SLC9A9: variants seen among roughly 807,000 people sequenced by gnomAD.
SLC9A9 encodes solute carrier family 9 member A9.
Under a neutral mutation model 77.8 loss-of-function variants are expected in SLC9A9, and 62 were observed. That is an observed-to-expected ratio of 0.80 (90% CI 0.65 to 0.98). The LOEUF is 0.98. Among genes scored for constraint, SLC9A9 ranks in the 50% least tolerant of loss-of-function variants. The probability of loss-of-function intolerance (pLI) is 0.00; values close to 1 mark genes in which losing one functional copy is unlikely to be tolerated. For synonymous variants in SLC9A9, 320 were observed against 283.5 expected, an observed-to-expected ratio of 1.13 and a Z score of -1.29; for missense variants, 775 against 774.9, an observed-to-expected ratio of 1.00 and a Z score of 0.00.
intron 12 of SLC9A9, among the ~76,000 whole-genome samples, chr3:143,409,333 C>A (rs1438685009): frequency 4.6e-5 from 7 of 152,206 alleles, no homozygotes; most frequent in Non-Finnish European, 1.0e-4. Flanking sequence ...CAGACATTTT[C>A]AGGCACAGGT....
chr3:143,668,181 G>A (rs1005094892), intron 5 of SLC9A9, among the ~76,000 whole-genome samples: 42 of 151,998 alleles, frequency 2.8e-4, no homozygotes, highest in African/African-American at 9.9e-4. Context: ...GTCCTTTGTA[G>A]GGACATGGAT....
chr3:143,341,516 C>CT (rs2032098119), intron 14 of SLC9A9, among the ~76,000 whole-genome samples: 1 of 152,140 alleles, frequency 6.6e-6, no homozygotes, highest in African/African-American at 2.4e-5. Flanking sequence ...ATTTAACACA[C>CT]TTTTCAGAAT....
rs967546578 is a variant in SLC9A9, at chr3:143,612,131, C to T, written c.756-33408G>A. ...GCCAAGATAGCCTCTTAGCTTGCCC[C>T]TATAGAGGGTGGGTCTCTACAGAGA... On this transcript the variant is annotated intron_variant, in intron 6 of 15. Coordinates refer to ENST00000316549, the MANE Select transcript of SLC9A9 (RefSeq NM_173653.4). Among the ~76,000 whole-genome samples, 24 of 152,280 alleles carry T rather than the reference C, an allele frequency of 1.6e-4. 1 individual carries two copies. The South Asian group carries it at 5.0e-3, about 32-fold the overall frequency.
At chr3:143,598,437 T>C (rs1009311388) in intron 6 of SLC9A9, among the ~76,000 whole-genome samples, 2 of 152,228 alleles carry the variant, frequency 1.3e-5, no homozygotes, top group African/African-American at 2.4e-5. Context: ...CTGCTTTCAC[T>C]TGAAGCTCAG....
intron 6 of SLC9A9, among the ~76,000 whole-genome samples, chr3:143,596,777 C>T (rs530752145): frequency 6.6e-6 from 1 of 152,230 alleles, no homozygotes; most frequent in East Asian, 1.9e-4. Context: ...ATCCTCCTGC[C>T]TCATCCTCCC....
intron 12 of SLC9A9, among the ~76,000 whole-genome samples, chr3:143,431,437 A>G (rs953903495): frequency 4.0e-5 from 6 of 151,114 alleles, no homozygotes; most frequent in African/African-American, 1.5e-4. Flanking sequence ...TCAAATTGCC[A>G]GTTAGATCAC....
At chr3:143,822,023 G>T (rs995484976) in intron 2 of SLC9A9, among the ~76,000 whole-genome samples, 3 of 152,206 alleles carry the variant, frequency 2.0e-5, no homozygotes, top group African/African-American at 7.2e-5. Flanking sequence ...CTGCAGAGAA[G>T]CACCTCACCC....
At chr3:143,540,974 C>T (rs1202568993) in intron 9 of SLC9A9, among the ~76,000 whole-genome samples, 1 of 152,130 alleles carries the variant, frequency 6.6e-6, no homozygotes, top group Non-Finnish European at 1.5e-5. Context: ...AATATTCAAC[C>T]ATATACGAAA....
intron 9 of SLC9A9, among the ~76,000 whole-genome samples, chr3:143,500,580 T>A (rs2035908163): frequency 6.6e-6 from 1 of 152,190 alleles, no homozygotes; most frequent in Non-Finnish European, 1.5e-5. Context: ...TTTCTGTGTA[T>A]GACACAGCTT....
At chr3:143,343,774 C>T (rs1339672178) in intron 14 of SLC9A9, among the ~76,000 whole-genome samples, 1 of 152,176 alleles carries the variant, frequency 6.6e-6, no homozygotes, top group Non-Finnish European at 1.5e-5. Context: ...GGTTCTAGGT[C>T]TCAGGAGTTT....
At chr3:143,515,687 T>C (rs1346358904) in intron 9 of SLC9A9, among the ~76,000 whole-genome samples, 1 of 152,238 alleles carries the variant, frequency 6.6e-6, no homozygotes, top group African/African-American at 2.4e-5. Flanking sequence ...GTTAATGTAG[T>C]AAACTGTACT....
chr3:143,280,549 T>C (rs1260242626), intron 14 of SLC9A9, among the ~76,000 whole-genome samples: 5 of 149,502 alleles, frequency 3.3e-5, no homozygotes, highest in African/African-American at 1.2e-4. Flanking sequence ...TACATTTTTT[T>C]TTTTTTTTTT....
intron 12 of SLC9A9, among the ~76,000 whole-genome samples, chr3:143,443,600 C>G (rs1375665473): frequency 1.3e-5 from 2 of 152,018 alleles, no homozygotes; most frequent in Non-Finnish European, 2.9e-5. Context: ...TGTTGACTAG[C>G]AATAGTCTCT....
At chr3:143,790,935 C>A (rs1407431792) in intron 4 of SLC9A9, among the ~76,000 whole-genome samples, 1 of 152,184 alleles carries the variant, frequency 6.6e-6, no homozygotes, top group East Asian at 1.9e-4. Flanking sequence ...TAAAAAGAAG[C>A]ATTTCATAGG....
intron 4 of SLC9A9, among the ~76,000 whole-genome samples, chr3:143,723,494 A>G (rs113766880): frequency 0.017 from 2,655 of 152,262 alleles, 71 homozygotes; most frequent in African/African-American, 0.059. Context: ...GATGATTTTC[A>G]TATTTTACAT....
chr3:143,698,057 A>G (rs1412232380), intron 4 of SLC9A9: 1 of 152,258 alleles, frequency 6.6e-6, no homozygotes, highest in African/African-American at 2.4e-5. Context: ...GAAGCCACCC[A>G]TTACCAGTCA....
chr3:143,610,673 A>G (rs147682317), intron 6 of SLC9A9, among the ~76,000 whole-genome samples: 1 of 152,284 alleles, frequency 6.6e-6, no homozygotes, highest in Admixed American at 6.5e-5. Context: ...GTGAAGTGAA[A>G]TCCATAGAAC....
At chr3:143,483,699 A>G (rs886869422) in intron 11 of SLC9A9, among the ~76,000 whole-genome samples, 6 of 152,198 alleles carry the variant, frequency 3.9e-5, no homozygotes, top group Non-Finnish European at 5.9e-5. Flanking sequence ...TTCACAGAGA[A>G]TCCACTTCTG....
At chr3:143,542,568 T>C (rs2036707345) in intron 9 of SLC9A9, among the ~76,000 whole-genome samples, 1 of 152,178 alleles carries the variant, frequency 6.6e-6, no homozygotes, top group Non-Finnish European at 1.5e-5. Context: ...CAATAAGGCA[T>C]GGACACACTG....
Sources: allele counts gnomAD v4.1 joint callset (sites outside exome capture counted in the v4.1 genomes callset), GRCh38; gene constraint gnomAD v4.1.1; transcripts MANE v1.5; gene names NCBI Gene and HGNC (gene_info 2026-07-23, HGNC 2026-07-21).